RIMS2: variants seen among roughly 807,000 people sequenced by gnomAD.
The protein encoded by RIMS2 is regulating synaptic membrane exocytosis 2.
In RIMS2, 59 loss-of-function variants were observed where a neutral mutation model predicts 174.4. The observed-to-expected ratio is 0.34, with a 90% CI of 0.27 to 0.42. The LOEUF (loss-of-function observed/expected upper bound fraction) is 0.42. Among genes scored for constraint, RIMS2 ranks in the 10% least tolerant of loss-of-function variants. RIMS2 has a pLI of 1.00. For synonymous variants in RIMS2, 606 were observed against 572.5 expected (o/e 1.06, Z -0.84); for missense variants, 1,620 against 1,666.3 (o/e 0.97, Z 0.48).
intron 19 of RIMS2, among the ~76,000 whole-genome samples, chr8:104,163,159 A>C (rs1380267337): frequency 6.6e-6 from 1 of 152,192 alleles, no homozygotes; most frequent in Non-Finnish European, 1.5e-5. Context: ...TATAGAATGA[A>C]AAACACTAAG....
chr8:104,138,826 C>T (rs1419312520), intron 19 of RIMS2, among the ~76,000 whole-genome samples: 1 of 152,094 alleles, frequency 6.6e-6, no homozygotes, highest in African/African-American at 2.4e-5. Flanking sequence ...AGGTATTACT[C>T]GAGAAATCTT....
intron 19 of RIMS2, among the ~76,000 whole-genome samples, chr8:104,084,300 G>T (rs1228496206): frequency 1.3e-5 from 2 of 151,928 alleles, no homozygotes; most frequent in African/African-American, 2.4e-5. Flanking sequence ...AATTAGCCGG[G>T]TGTGGTGGCA....
chr8:103,512,500 G>A (rs1827024310), intron 1 of RIMS2, among the ~76,000 whole-genome samples: 1 of 152,072 alleles, frequency 6.6e-6, no homozygotes, highest in South Asian at 2.1e-4. Flanking sequence ...ATGCTTTCTG[G>A]AACATTCTGA....
chr8:103,707,805 C>G (rs2097252242), intron 2 of RIMS2, among the ~76,000 whole-genome samples: 1 of 152,202 alleles, frequency 6.6e-6, no homozygotes, highest in Non-Finnish European at 1.5e-5. Flanking sequence ...GCTAAGGCCA[C>G]TGTAGTCAAC....
At chr8:104,041,488 G>A (rs2096607909) in intron 19 of RIMS2, 130 bp downstream of exon 22, 4 of 487,842 alleles carry the variant, frequency 8.2e-6, no homozygotes, top group East Asian at 6.1e-5. Flanking sequence ...AATCTTATGA[G>A]CATTTTAATT....
At chr8:103,946,351 G>A (rs754886083) in intron 14 of RIMS2, among the ~76,000 whole-genome samples, 11 of 152,022 alleles carry the variant, frequency 7.2e-5, no homozygotes, top group Non-Finnish European at 1.6e-4. Context: ...AATTAGCCTG[G>A]CGTGGTGGCA....
chr8:103,645,782 A>T (rs2096314981), intron 1 of RIMS2, among the ~76,000 whole-genome samples: 1 of 152,154 alleles, frequency 6.6e-6, no homozygotes, highest in East Asian at 1.9e-4. Context: ...AAACCAGTAC[A>T]CACTAATAGG....
rs192187218 is a variant in RIMS2 at position 104,134,303 on chromosome 8, A to C, written c.3335-110613A>C. ...AGCATGGTGAGATCTCATCTCTACT[A>C]AAAATACAAAAATTAGCCGAGCATG... is the stretch of plus-strand genomic sequence containing the variant. On this transcript the variant is annotated intron_variant, in intron 19 of 23. Coordinates refer to ENST00000504942, the Ensembl canonical transcript of RIMS2. Among the ~76,000 whole-genome samples the C allele has an allele frequency of 1.2e-3, 179 of 152,194 alleles. 1 individual carries two copies. The highest frequency in any genetic ancestry group is 3.4e-3 in the African/African-American group (142 of 41,518).
chr8:103,791,726 A>C (rs553859588), intron 3 of RIMS2, among the ~76,000 whole-genome samples: 2 of 152,182 alleles, frequency 1.3e-5, no homozygotes, highest in African/African-American at 4.8e-5. Flanking sequence ...ATGGAGGAAG[A>C]TCTACCAAGC....
chr8:103,632,167 T>C (rs1208772059), intron 1 of RIMS2, among the ~76,000 whole-genome samples: 1 of 152,134 alleles, frequency 6.6e-6, no homozygotes, highest in Non-Finnish European at 1.5e-5. Context: ...CTGTGTTCAA[T>C]AGGAGTAGTG....
chr8:103,559,970 G>C (rs2091318425), intron 1 of RIMS2, among the ~76,000 whole-genome samples: 1 of 152,206 alleles, frequency 6.6e-6, no homozygotes, highest in South Asian at 2.1e-4. Context: ...GGAGCTCTGA[G>C]GCTAGGGCGT....
intron 19 of RIMS2, among the ~76,000 whole-genome samples, chr8:104,055,611 A>G (rs1285148846): frequency 1.3e-5 from 2 of 152,204 alleles, no homozygotes; most frequent in Non-Finnish European, 2.9e-5. Context: ...CCCTCAAAAT[A>G]TATCTTGTTT....
At chr8:103,683,702 G>T (rs550735388) in intron 1 of RIMS2, among the ~76,000 whole-genome samples, 130 of 152,272 alleles carry the variant, frequency 8.5e-4, no homozygotes, top group African/African-American at 3.1e-3. Context: ...GAAATGCACA[G>T]TATGGCACAA....
chr8:103,636,399 C>T (rs533386373), intron 1 of RIMS2, among the ~76,000 whole-genome samples: 1 of 152,216 alleles, frequency 6.6e-6, no homozygotes, highest in South Asian at 2.1e-4. Flanking sequence ...GCCGAGACTC[C>T]ATGTAGCTCT....
At chr8:103,776,302 A>G (rs2098315401) in intron 3 of RIMS2, among the ~76,000 whole-genome samples, 1 of 152,078 alleles carries the variant, frequency 6.6e-6, no homozygotes, top group African/African-American at 2.4e-5. Context: ...TGATAGAAAG[A>G]TCTTTGGTGG....
At chr8:103,566,918 C>A (rs1483620474) in intron 1 of RIMS2, among the ~76,000 whole-genome samples, 1 of 152,110 alleles carries the variant, frequency 6.6e-6, no homozygotes, top group South Asian at 2.1e-4. Flanking sequence ...GCAACTATAA[C>A]CATAGTCTAA....
chr8:104,159,810 T>C (rs1016956256), intron 19 of RIMS2, among the ~76,000 whole-genome samples: 2 of 152,152 alleles, frequency 1.3e-5, no homozygotes, highest in African/African-American at 4.8e-5. Flanking sequence ...TAAACTTTTT[T>C]AAAATAGAAA....
chr8:103,617,531 C>T (rs2095533711), intron 1 of RIMS2, among the ~76,000 whole-genome samples: 1 of 152,156 alleles, frequency 6.6e-6, no homozygotes, highest in African/African-American at 2.4e-5. Context: ...AACTGAAGAG[C>T]TTCTGCACAG....
intron 19 of RIMS2, among the ~76,000 whole-genome samples, chr8:104,079,966 C>G (rs2097381271): frequency 6.6e-6 from 1 of 151,488 alleles, no homozygotes; most frequent in African/African-American, 2.4e-5. Flanking sequence ...CATTTTGTAT[C>G]AATATAAGAA....
Sources: gnomAD v4.1 joint callset for allele counts (sites outside exome capture counted in the v4.1 genomes callset) on GRCh38, gnomAD v4.1.1 for gene constraint, MANE v1.5 for transcripts, NCBI Gene and HGNC (gene_info 2026-07-23, HGNC 2026-07-21) for gene names.